RPH3AL: variants seen among roughly 807,000 people sequenced by gnomAD.
RPH3AL encodes the protein rabphilin 3A like (without C2 domains).
Under a neutral mutation model 43.1 loss-of-function variants are expected in RPH3AL, and 38 were observed. The ratio of observed to expected loss-of-function variants is 0.88; its 90% CI spans 0.68 to 1.15. The LOEUF (loss-of-function observed/expected upper bound fraction) is 1.15. Ranked by LOEUF, RPH3AL falls within the 50% of genes most tolerant of loss-of-function variation. The probability of loss-of-function intolerance (pLI) is 0.00; values close to 1 mark genes in which losing one functional copy is unlikely to be tolerated. For synonymous variants in RPH3AL, 189 were observed against 176.3 expected (o/e 1.07, Z -0.57); for missense variants, 462 against 423.2 (o/e 1.09, Z -0.81).
At chr17:275,233 CA>C (rs200330448) in intron 6 of RPH3AL, among the ~76,000 whole-genome samples, 2 of 67,164 alleles carry the variant, frequency 3.0e-5, no homozygotes, top group East Asian at 4.1e-4. Context: ...TTCATAACAG[CA>C]AAAAAAACAA....
intron 1 of RPH3AL, among the ~76,000 whole-genome samples, chr17:348,341 A>T (rs561725897): frequency 7.2e-5 from 11 of 152,132 alleles, no homozygotes; most frequent in Non-Finnish European, 1.5e-4. Flanking sequence ...CACTACCTAC[A>T]CCTCCAAGAT....
At chr17:321,545 G>A (rs2044473599) in intron 3 of RPH3AL, 130 bp from the exon 4 acceptor site, 1 of 1,052,860 alleles carries the variant, frequency 9.5e-7, no homozygotes, top group Non-Finnish European at 1.3e-6. Flanking sequence ...GGGACGACGA[G>A]CGCGGGCAGC....
At chr17:331,634 C>G (rs1470109935) in intron 2 of RPH3AL, 2 of 1,288,416 alleles carry the variant, frequency 1.6e-6, no homozygotes, top group South Asian at 1.2e-5. Flanking sequence ...ATTCTCCAAA[C>G]CTCGTCAGCA....
At chr17:314,824 G>C (rs199706550) in intron 5 of RPH3AL, among the ~76,000 whole-genome samples, 4,323 of 130,552 alleles carry the variant, frequency 0.033, no homozygotes, top group East Asian at 0.11. Context: ...TTGACCTGTA[G>C]TCTCTGTGCT....
chr17:283,260 T>C lies in RPH3AL; in HGVS notation c.352-1406A>G, dbSNP rs1035586399. On this transcript the variant is annotated intron_variant, in intron 5 of 9. Coordinates refer to ENST00000331302, the MANE Select transcript of RPH3AL (RefSeq NM_006987.4). This position sits in a 1 kb window ranked among gnomAD's most constrained non-coding sequence, Gnocchi z 4.2. ...CACGTCTCTCCATGGAGAGGGAAAA[T>C]GTCACCAACTTGGCTTCCACGTCGA... is the stretch of plus-strand genomic sequence containing the variant. Among the ~76,000 whole-genome samples the C allele has an allele frequency of 6.6e-6, 1 of 152,032 alleles. No individual in the cohort carries two copies. Among genetic ancestry groups the C allele is most frequent in the Non-Finnish European group, 1.5e-5 (1 of 68,004 alleles).
intron 5 of RPH3AL, among the ~76,000 whole-genome samples, chr17:292,979 A>C (rs1307132366): frequency 6.6e-6 from 1 of 152,184 alleles, no homozygotes; most frequent in Non-Finnish European, 1.5e-5. Flanking sequence ...GGAGGAAGGC[A>C]AGTCTCCCTG....
At chr17:316,748 G>GT in intron 5 of RPH3AL, among the ~76,000 whole-genome samples, 1 of 134,124 alleles carries the variant, frequency 7.5e-6, no homozygotes, top group East Asian at 2.3e-4. Context: ...TAGTCCATGT[G>GT]CCCCACCTCC....
intron 1 of RPH3AL, among the ~76,000 whole-genome samples, chr17:343,529 C>G (rs1407971333): frequency 6.6e-6 from 1 of 152,142 alleles, no homozygotes; most frequent in East Asian, 1.9e-4. Flanking sequence ...ATTCTGGCTG[C>G]GAATTATGAG....
intron 5 of RPH3AL, among the ~76,000 whole-genome samples, chr17:296,011 G>A (rs1369783546): frequency 4.7e-5 from 6 of 128,594 alleles, no homozygotes; most frequent in Non-Finnish European, 6.6e-5. Context: ...AGAAATGGAC[G>A]GGCAGAGGGA....
At chr17:320,118 AGGGGAGGGAG>A (rs1446709998) in intron 4 of RPH3AL, among the ~76,000 whole-genome samples, 2 of 9,198 alleles carry the variant, frequency 2.2e-4, no homozygotes, top group African/African-American at 1.7e-3. Context: ...AGGGACATTG[AGGGGAGGGAG>A]GGGGAGGGAC....
intron 5 of RPH3AL, among the ~76,000 whole-genome samples, chr17:314,466 T>TACTCCAC (rs2043790943): frequency 7.8e-6 from 1 of 128,832 alleles, no homozygotes; most frequent in African/African-American, 2.9e-5. Flanking sequence ...GTAGTCTCTA[T>TACTCCAC]GCCCCCACCT....
chr17:277,765 G>A (rs2151600688), intron 6 of RPH3AL, among the ~76,000 whole-genome samples: 1 of 152,186 alleles, frequency 6.6e-6, no homozygotes, highest in East Asian at 1.9e-4. Flanking sequence ...AGACCAGCCT[G>A]GGCAACATGG....
chr17:240,278 C>T (rs192543967), intron 7 of RPH3AL, among the ~76,000 whole-genome samples: 102 of 152,076 alleles, frequency 6.7e-4, no homozygotes, highest in African/African-American at 2.3e-3. Context: ...AGCTATTCTC[C>T]ACCTTATGAA....
chr17:213,778 A>G lies in RPH3AL; in HGVS notation c.*74T>C. 1.6e-6 allele frequency: 2 copies of G among 1,232,452 alleles called. No individual in the cohort carries two copies. Among genetic ancestry groups the G allele is most frequent in the Non-Finnish European group, 2.4e-6 (2 of 847,996 alleles). The allele number at this position is 1,232,452 out of a possible 1,614,324, so 76.3% of individuals were successfully genotyped here. A position where few individuals can be genotyped will look rare whatever the true frequency, so the allele number is the denominator to read the frequency against. ...CAGGGTGTCTGGTGAGGGCACAAGG[A>G]CCGGTCAGGGAGGAGCCGGGCAGGG... is the stretch of plus-strand genomic sequence containing the variant. On this transcript the variant is annotated 3_prime_UTR_variant, in exon 10 of 10. Transcript: ENST00000331302.
At chr17:296,031 A>C (rs1285325796) in intron 5 of RPH3AL, among the ~76,000 whole-genome samples, 1 of 141,208 alleles carries the variant, frequency 7.1e-6, no homozygotes, top group Non-Finnish European at 1.5e-5. Flanking sequence ...AATGCACTTC[A>C]GTGTGGGAGG....
At chr17:284,441 G>A (rs955284881) in intron 5 of RPH3AL, among the ~76,000 whole-genome samples, 4 of 152,304 alleles carry the variant, frequency 2.6e-5, no homozygotes, top group Non-Finnish European at 2.9e-5. Context: ...CTGGGGACGT[G>A]GCTGATGGCT....
chr17:299,339 G>A (rs1033841570), intron 5 of RPH3AL, among the ~76,000 whole-genome samples: 1 of 152,138 alleles, frequency 6.6e-6, no homozygotes, highest in Non-Finnish European at 1.5e-5. Flanking sequence ...TGTAACCTGG[G>A]GCAGACCCCT....
intron 5 of RPH3AL, among the ~76,000 whole-genome samples, chr17:314,360 G>T (rs1478102632): frequency 6.7e-6 from 1 of 149,882 alleles, no homozygotes; most frequent in East Asian, 1.9e-4. Flanking sequence ...TCCCAGGCAG[G>T]AGTCACTGCC....
rs1427102918 is a variant in RPH3AL, at chr17:274,283, T to TGAGGCGG, written c.438+7478_438+7484dup. Among the ~76,000 whole-genome samples, 2 of 152,206 alleles carry TGAGGCGG rather than the reference T, an allele frequency of 1.3e-5. No homozygotes were observed. Among genetic ancestry groups the TGAGGCGG allele is most frequent in the Non-Finnish European group, 2.9e-5 (2 of 68,026 alleles). ...CCAGGCTCCACATCAGGTGAGGGGA[T>TGAGGCGG]GAGGCGGGAGACGGGAGGCGTGCCA... On this transcript the variant is annotated intron_variant, in intron 6 of 9. Coordinates refer to ENST00000331302, the MANE Select transcript of RPH3AL (RefSeq NM_006987.4). This position sits in a 1 kb window ranked among gnomAD's most constrained non-coding sequence, Gnocchi z 4.7.
Sources: allele counts gnomAD v4.1 joint callset (sites outside exome capture counted in the v4.1 genomes callset), GRCh38; gene constraint gnomAD v4.1.1; non-coding constraint Gnocchi (gnomAD v3.1); transcripts MANE v1.5; gene names NCBI Gene and HGNC (gene_info 2026-07-23, HGNC 2026-07-21).